Variants in DLG2 observed in about 807,000 individuals in gnomAD.
DLG2 encodes disks large homolog 2.
A neutral mutation model predicts 132.5 loss-of-function variants in DLG2; 45 were observed. The observed-to-expected ratio is 0.34, with a 90% confidence interval of 0.27 to 0.44. The LOEUF is 0.44. DLG2 is among the 20% of genes least tolerant of loss of function. DLG2 has a pLI of 1.00. For missense variants in DLG2, 1,045 were observed against 1,196.9 expected (o/e 0.87, Z 1.87); for synonymous variants, 424 against 419.6 (o/e 1.01, Z -0.13).
At chr11:84,317,519 C>T (rs568952323) in intron 7 of DLG2, among the ~76,000 whole-genome samples, 5 of 152,102 alleles carry the variant, frequency 3.3e-5, no homozygotes, top group African/African-American at 4.8e-5. Context: ...TTTGGCATTC[C>T]GGCTTTTCCC....
intron 11 of DLG2, among the ~76,000 whole-genome samples, chr11:83,997,737 A>C: frequency 7.2e-5 from 1 of 13,968 alleles, no homozygotes; most frequent in Admixed American, 1.2e-3. Context: ...TCTCAAAAAA[A>C]AAAAAAAAAA....
In DLG2 at chr11:84,344,070, C is replaced by A. The variant is rs183155612; in HGVS notation, c.520-92779G>T. 2.6e-4 allele frequency among the ~76,000 whole-genome samples: 39 copies of A among 152,136 alleles called. No homozygotes were observed. In the East Asian group the frequency reaches 5.8e-3, roughly 23 times the overall value. On this transcript the variant is annotated intron_variant, in intron 7 of 27. Coordinates refer to ENST00000376104, the MANE Select transcript of DLG2 (RefSeq NM_001142699.3). ...TACTTTATGTTCGAAAGAATATAGCCTATCAAATATTTATTTAAAGTCAGA... is the reference window on the plus strand; with the variant it reads ...TACTTTATGTTCGAAAGAATATAGCATATCAAATATTTATTTAAAGTCAGA...
intron 3 of DLG2, among the ~76,000 whole-genome samples, chr11:85,485,299 A>G: frequency 6.6e-6 from 1 of 152,202 alleles, no homozygotes; most frequent in Non-Finnish European, 1.5e-5. Flanking sequence ...ACATGTATAC[A>G]TATGTAACTA....
chr11:85,523,783 C>T (rs1469025842), intron 3 of DLG2, among the ~76,000 whole-genome samples: 1 of 152,162 alleles, frequency 6.6e-6, no homozygotes, highest in African/African-American at 2.4e-5. Flanking sequence ...TGCACTCCCA[C>T]GTTTATTGCA....
At chr11:85,273,911 AAT>A (rs1235198590) in intron 4 of DLG2, among the ~76,000 whole-genome samples, 6 of 152,338 alleles carry the variant, frequency 3.9e-5, no homozygotes, top group Admixed American at 3.9e-4. Flanking sequence ...TACACCATGG[AAT>A]ACTATGAAGC....
intron 6 of DLG2, among the ~76,000 whole-genome samples, chr11:85,044,976 C>T (rs746324990): frequency 6.6e-6 from 1 of 152,010 alleles, no homozygotes; most frequent in Non-Finnish European, 1.5e-5. Flanking sequence ...CCTTTCTCTG[C>T]CCGTTAATTC....
At chr11:84,680,929 T>G (rs2099727854) in intron 6 of DLG2, among the ~76,000 whole-genome samples, 1 of 152,164 alleles carries the variant, frequency 6.6e-6, no homozygotes. Flanking sequence ...GCTTTGGATA[T>G]ATAACAGTAT....
intron 14 of DLG2, among the ~76,000 whole-genome samples, chr11:83,946,961 C>G (rs576761307): frequency 1.3e-5 from 2 of 152,080 alleles, no homozygotes; most frequent in African/African-American, 2.4e-5. Flanking sequence ...TAGAGCTACT[C>G]TCAATATTAT....
At chr11:85,093,990 T>C (rs1017618278) in intron 6 of DLG2, among the ~76,000 whole-genome samples, 5 of 152,218 alleles carry the variant, frequency 3.3e-5, no homozygotes, top group African/African-American at 1.2e-4. Flanking sequence ...ATGCAACTAA[T>C]ATGATGCAGC....
At chr11:84,328,837 A>T (rs554283334) in intron 7 of DLG2, among the ~76,000 whole-genome samples, 54 of 152,298 alleles carry the variant, frequency 3.5e-4, no homozygotes, top group African/African-American at 1.2e-3. Flanking sequence ...TAGCCAGTAC[A>T]TTTCCAATTC....
chr11:85,322,050 A>G (rs2081108533), intron 3 of DLG2, among the ~76,000 whole-genome samples: 1 of 151,946 alleles, frequency 6.6e-6, no homozygotes, highest in South Asian at 2.1e-4. Flanking sequence ...ATTCAGTAAT[A>G]TTCTCCTCTA....
intron 4 of DLG2, among the ~76,000 whole-genome samples, chr11:85,251,392 A>G (rs2076388521): frequency 6.6e-6 from 1 of 152,214 alleles, no homozygotes. Flanking sequence ...TTTTATGGGA[A>G]TCAAATGAAA....
At chr11:83,530,057 T>C (rs1254546400) in intron 21 of DLG2, among the ~76,000 whole-genome samples, 1 of 151,704 alleles carries the variant, frequency 6.6e-6, no homozygotes, top group Non-Finnish European at 1.5e-5. Flanking sequence ...TCAGTAAAAA[T>C]CCTCTCACAT....
Position 84,058,442 on chromosome 11 carries a change from G to A in DLG2, c.919+873C>T, listed in dbSNP as rs1319635393. ...AGGCCAAAGCAGGAGGATTACTTAT[G>A]ACCAGGAGTTCAAGACCAGCCTGGG... On this transcript the variant is annotated intron_variant, in intron 11 of 27. Transcript: ENST00000376104. 3.3e-5 allele frequency among the ~76,000 whole-genome samples: 5 copies of A among 150,770 alleles called. No homozygotes were observed. The East Asian group carries it at 9.7e-4, about 29-fold the overall frequency.
chr11:83,507,792 A>C (rs865817801), intron 21 of DLG2, among the ~76,000 whole-genome samples: 1 of 99,256 alleles, frequency 1.0e-5, no homozygotes. Flanking sequence ...ATATATATAT[A>C]TATATATGTA....
At chr11:85,241,033 CTA>C (rs575054226) in intron 4 of DLG2, among the ~76,000 whole-genome samples, 63 of 151,636 alleles carry the variant, frequency 4.2e-4, no homozygotes, top group African/African-American at 1.5e-3. Context: ...TTAAATATCT[CTA>C]TGAACATGAT....
intron 22 of DLG2, among the ~76,000 whole-genome samples, chr11:83,478,183 A>G (rs933318078): frequency 2.6e-5 from 4 of 152,158 alleles, no homozygotes; most frequent in Non-Finnish European, 4.4e-5. Context: ...GAATGAATAA[A>G]TAAACATTCC....
At chr11:84,401,480 G>GC (rs1344048085) in intron 7 of DLG2, among the ~76,000 whole-genome samples, 1 of 152,006 alleles carries the variant, frequency 6.6e-6, no homozygotes, top group African/African-American at 2.4e-5. Flanking sequence ...GCCTAACGTG[G>GC]TAGGCACTCT....
intron 14 of DLG2, among the ~76,000 whole-genome samples, chr11:83,962,582 A>G (rs550971200): frequency 3.3e-5 from 5 of 152,190 alleles, no homozygotes; most frequent in African/African-American, 9.6e-5. Flanking sequence ...TCTCTTCTCA[A>G]GTATTAATAC....
Sources: gnomAD v4.1 joint callset for allele counts (sites outside exome capture counted in the v4.1 genomes callset) on GRCh38, gnomAD v4.1.1 for gene constraint, MANE v1.5 for transcripts, NCBI Gene and HGNC (gene_info 2026-07-23, HGNC 2026-07-21) for gene names.